The following HECW1 variants were observed in gnomAD, a reference collection of about 807,000 sequenced individuals.
HECW1 encodes E3 ubiquitin-protein ligase HECW1.
A neutral mutation model predicts 182.3 loss-of-function variants in HECW1; 61 were observed. The observed-to-expected ratio is 0.33, with a 90% confidence interval of 0.27 to 0.41. The LOEUF (loss-of-function observed/expected upper bound fraction) is 0.41, where lower values mean the gene tolerates loss of function less well. Among genes scored for constraint, HECW1 ranks in the 10% least tolerant of loss-of-function variants. The pLI is 1.00. For synonymous variants in HECW1, 859 were observed against 832.6 expected, an observed-to-expected ratio of 1.03 and a Z score of -0.55; for missense variants, 1,739 against 2,108.9, an observed-to-expected ratio of 0.82 and a Z score of 3.44.
At chr7:43,317,235 G>A (rs531477631) in intron 4 of HECW1, among the ~76,000 whole-genome samples, 10 of 152,184 alleles carry the variant, frequency 6.6e-5, no homozygotes, top group African/African-American at 2.4e-4. Flanking sequence ...AACAGGCAGT[G>A]GGGGTGGGGG....
At chr7:43,513,856 A>G (rs1171615014) in intron 24 of HECW1, among the ~76,000 whole-genome samples, 1 of 152,180 alleles carries the variant, frequency 6.6e-6, no homozygotes, top group Non-Finnish European at 1.5e-5. Context: ...CCAAAGAGAA[A>G]GAGGAGTTAG....
At chr7:43,169,658 G>A (rs1791472823) in intron 2 of HECW1, among the ~76,000 whole-genome samples, 1 of 148,898 alleles carries the variant, frequency 6.7e-6, no homozygotes, top group Admixed American at 6.7e-5. Flanking sequence ...ACATTATATT[G>A]CTTTTCTTAT....
intron 5 of HECW1, among the ~76,000 whole-genome samples, chr7:43,336,029 T>A (rs914650600): frequency 1.3e-5 from 2 of 150,238 alleles, no homozygotes; most frequent in Admixed American, 1.3e-4. Context: ...TCTTTCTTTT[T>A]CTTTCTTTCT....
At chr7:43,253,885 A>G (rs1041136848) in intron 3 of HECW1, among the ~76,000 whole-genome samples, 1 of 152,080 alleles carries the variant, frequency 6.6e-6, no homozygotes, top group Non-Finnish European at 1.5e-5. Context: ...TCCAGCCTGG[A>G]CAACAAGAGT....
At chr7:43,455,488 T>C (rs2077370665) in intron 12 of HECW1, among the ~76,000 whole-genome samples, 1 of 152,236 alleles carries the variant, frequency 6.6e-6, no homozygotes. Flanking sequence ...TTCTCTCCAC[T>C]GAACCTAATC....
intron 3 of HECW1, among the ~76,000 whole-genome samples, chr7:43,256,042 T>G (rs1453946830): frequency 6.6e-6 from 1 of 152,242 alleles, no homozygotes; most frequent in Admixed American, 6.5e-5. Context: ...AAAACTGTCC[T>G]TTTAATCTTT....
intron 3 of HECW1, among the ~76,000 whole-genome samples, chr7:43,247,710 G>A (rs1205492487): frequency 7.1e-6 from 1 of 141,340 alleles, no homozygotes; most frequent in African/African-American, 2.7e-5. Context: ...GGGAGAGGGA[G>A]GGAGGGAAGA....
chr7:43,326,488 G>A (rs1001017499), intron 5 of HECW1, among the ~76,000 whole-genome samples: 2 of 152,284 alleles, frequency 1.3e-5, no homozygotes, highest in East Asian at 3.9e-4. Flanking sequence ...AGTGATATAT[G>A]TCCTCCACAA....
chr7:43,169,937 A>G (rs986608539), intron 2 of HECW1, among the ~76,000 whole-genome samples: 1 of 151,978 alleles, frequency 6.6e-6, no homozygotes, highest in African/African-American at 2.4e-5. Flanking sequence ...ACAGAGCCAC[A>G]TGTATAGAGG....
At chr7:43,446,960 A>G (rs1205466503) in intron 11 of HECW1, among the ~76,000 whole-genome samples, 1 of 152,194 alleles carries the variant, frequency 6.6e-6, no homozygotes, top group African/African-American at 2.4e-5. Flanking sequence ...CAGGTGATGT[A>G]TGGACATTAC....
At position 43,362,127 on chromosome 7, in the gene HECW1, G is replaced by A. The variant is rs1419299434; in HGVS notation, c.555+1147G>A. Among the ~76,000 whole-genome samples the A allele has an allele frequency of 3.5e-4, 27 of 77,682 alleles. 1 individual carries two copies. Among genetic ancestry groups the A allele is most frequent in the Admixed American group, 1.9e-3 (11 of 5,700 alleles). The allele number at this position is 77,682 out of a possible 152,430, so 51.0% of individuals were successfully genotyped here. On this transcript the variant is annotated intron_variant, in intron 6 of 29. Coordinates refer to ENST00000395891, the MANE Select transcript of HECW1 (RefSeq NM_015052.5). The stretch of plus-strand genomic sequence containing the variant: ...GCCTGGGCAACAAGAGTGAAACTCC[G>A]TCTCAAAAAAAAAAAAAAAAAAAAA...
At chr7:43,120,703 G>A (rs984488240) in intron 2 of HECW1, among the ~76,000 whole-genome samples, 1 of 152,036 alleles carries the variant, frequency 6.6e-6, no homozygotes, top group South Asian at 2.1e-4. Context: ...GAGTGCAGTG[G>A]CATGATCTTG....
At chr7:43,379,414 C>G (rs1376236942) in intron 6 of HECW1, among the ~76,000 whole-genome samples, 2 of 152,194 alleles carry the variant, frequency 1.3e-5, no homozygotes, top group African/African-American at 4.8e-5. Context: ...ACATGGGATC[C>G]CATCCCATCT....
intron 24 of HECW1, among the ~76,000 whole-genome samples, chr7:43,534,655 T>C (rs1247219175): frequency 2.6e-5 from 4 of 152,228 alleles, no homozygotes; most frequent in Non-Finnish European, 5.9e-5. Context: ...TCTGTGGGTT[T>C]GTATAGTTGC....
intron 12 of HECW1, among the ~76,000 whole-genome samples, chr7:43,451,841 G>A (rs1016851592): frequency 3.3e-5 from 5 of 152,096 alleles, no homozygotes; most frequent in African/African-American, 1.2e-4. Context: ...TTACAACTAC[G>A]AAATCTTTCC....
At chr7:43,376,866 CA>C (rs34753661) in intron 6 of HECW1, among the ~76,000 whole-genome samples, 6 of 140,154 alleles carry the variant, frequency 4.3e-5, no homozygotes, top group African/African-American at 8.1e-5. Context: ...GACTCTGTCT[CA>C]AAAAAAAAAG....
intron 2 of HECW1, chr7:43,241,038 A>C (rs547864905): frequency 6.6e-6 from 1 of 152,346 alleles, no homozygotes; most frequent in African/African-American, 2.4e-5. Context: ...TGAAGGAAGA[A>C]TCATCTAATC....
chr7:43,282,177 T>TG (rs1299413969), intron 3 of HECW1, among the ~76,000 whole-genome samples: 6 of 152,254 alleles, frequency 3.9e-5, no homozygotes, highest in African/African-American at 1.4e-4. Flanking sequence ...GCTGTGTGCA[T>TG]GGGTCACTTA....
chr7:43,479,242 G>A (rs1000571918), intron 16 of HECW1, among the ~76,000 whole-genome samples: 19 of 152,164 alleles, frequency 1.2e-4, no homozygotes, highest in Non-Finnish European at 2.8e-4. Context: ...TGGGGGTAAC[G>A]AGAGACGGTG....
Sources: allele counts gnomAD v4.1 joint callset (sites outside exome capture counted in the v4.1 genomes callset), GRCh38; gene constraint gnomAD v4.1.1; transcripts MANE v1.5; gene names NCBI Gene and HGNC (gene_info 2026-07-23, HGNC 2026-07-21).